ANXA4: variants seen among roughly 807,000 people sequenced by gnomAD.
ANXA4 encodes the protein 35-beta calcimedin.
In ANXA4, 39 loss-of-function variants were observed where a neutral mutation model predicts 49.8. The ratio of observed to expected loss-of-function variants is 0.78; its 90% CI spans 0.61 to 1.02. ANXA4 has a LOEUF of 1.02. Ranked by LOEUF, ANXA4 falls within the 50% of genes least tolerant of loss-of-function variation. The probability of loss-of-function intolerance (pLI) is 0.00; values close to 1 mark genes in which losing one functional copy is unlikely to be tolerated. For synonymous variants in ANXA4, 134 were observed against 152.5 expected (o/e 0.88, Z 0.89); for missense variants, 360 against 410.1 (o/e 0.88, Z 1.05).
At chr2:69,691,575 A>ACATG (rs2105373201) in intron 2 of ANXA4, among the ~76,000 whole-genome samples, 2 of 734 alleles carry the variant, frequency 2.7e-3, no homozygotes, top group South Asian at 0.031. Context: ...ACACACATGC[A>ACATG]CACACACACA....
chr2:69,664,698 G>A (rs1676869194), intron 2 of ANXA4, among the ~76,000 whole-genome samples: 1 of 152,140 alleles, frequency 6.6e-6, no homozygotes, highest in Non-Finnish European at 1.5e-5. Context: ...AATCCCATGT[G>A]CTCTTCCAAA....
chr2:69,757,264 ATATTTTTTTTTTTTTTT>A (rs1162054493), intron 1 of ANXA4, among the ~76,000 whole-genome samples: 11 of 28,034 alleles, frequency 3.9e-4, no homozygotes, highest in African/African-American at 1.9e-3. Context: ...ATATATATAT[ATATTTTTTTTTTTTTTT>A]TTTTTTTTAG....
chr2:69,702,083 C>T (rs1195162964), intron 2 of ANXA4, among the ~76,000 whole-genome samples: 1 of 152,126 alleles, frequency 6.6e-6, no homozygotes, highest in Non-Finnish European at 1.5e-5. Context: ...GCGATCTCAG[C>T]TCACTACAAC....
intron 1 of ANXA4, among the ~76,000 whole-genome samples, chr2:69,778,557 C>T (rs568073565): frequency 9.5e-4 from 144 of 152,110 alleles, no homozygotes; most frequent in Non-Finnish European, 1.4e-3. Flanking sequence ...GGGCAGATCA[C>T]CTGACGTCGG....
At chr2:69,744,248 A>C (rs1206128273) in intron 1 of ANXA4, among the ~76,000 whole-genome samples, 3 of 152,184 alleles carry the variant, frequency 2.0e-5, no homozygotes, top group Non-Finnish European at 4.4e-5. Flanking sequence ...TCAAGGCTGC[A>C]GTGAGTTATG....
intron 2 of ANXA4, among the ~76,000 whole-genome samples, chr2:69,661,185 A>T (rs896151648): frequency 6.6e-6 from 1 of 151,570 alleles, no homozygotes; most frequent in African/African-American, 2.4e-5. Context: ...AGTTAAGCAT[A>T]CTTGAAGCAT....
chr2:69,760,320 T>C (rs1671229611), intron 1 of ANXA4, among the ~76,000 whole-genome samples: 1 of 152,228 alleles, frequency 6.6e-6, no homozygotes, highest in East Asian at 1.9e-4. Flanking sequence ...ACACATATGG[T>C]TTAAAAATCT....
chr2:69,652,006 T>G (rs1676266095), intron 1 of ANXA4, among the ~76,000 whole-genome samples: 1 of 151,760 alleles, frequency 6.6e-6, no homozygotes, highest in African/African-American at 2.4e-5. Context: ...ATTGCAAACA[T>G]AAAGTAGTTT....
At chr2:69,686,911 C>A (rs929521359) in intron 2 of ANXA4, among the ~76,000 whole-genome samples, 4 of 152,228 alleles carry the variant, frequency 2.6e-5, no homozygotes, top group Non-Finnish European at 5.9e-5. Flanking sequence ...CCCTGCTGTT[C>A]TCTGCATTTG....
At chr2:69,787,006 T>A (rs987836975) in intron 2 of ANXA4, among the ~76,000 whole-genome samples, 4 of 152,194 alleles carry the variant, frequency 2.6e-5, no homozygotes, top group Admixed American at 6.5e-5. Context: ...ATTACTGGGG[T>A]GAGCCACCAC....
At chr2:69,673,123 C>T (rs1008680037) in intron 2 of ANXA4, among the ~76,000 whole-genome samples, 4 of 152,004 alleles carry the variant, frequency 2.6e-5, no homozygotes, top group Non-Finnish European at 4.4e-5. Flanking sequence ...CTCAAGGATC[C>T]AGAACGAAAA....
At chr2:69,792,882 C>T (rs1672753669) in intron 3 of ANXA4, among the ~76,000 whole-genome samples, 1 of 151,280 alleles carries the variant, frequency 6.6e-6, no homozygotes, top group African/African-American at 2.4e-5. Flanking sequence ...TAGTTAGGGG[C>T]TTGGTTGCTT....
At chr2:69,772,082 AG>A (rs759571800) in intron 1 of ANXA4, among the ~76,000 whole-genome samples, 1 of 152,212 alleles carries the variant, frequency 6.6e-6, no homozygotes, top group Non-Finnish European at 1.5e-5. Context: ...ATCACTAAAA[AG>A]TGTATCACCT....
At chr2:69,825,091 C>CAAAAAAAAAAAAAAAAAA (rs1558530382) in intron 12 of ANXA4, among the ~76,000 whole-genome samples, 1 of 104,316 alleles carries the variant, frequency 9.6e-6, no homozygotes, top group Non-Finnish European at 1.8e-5. Flanking sequence ...AAAAAAAAAA[C>CAAAAAAAAAAAAAAAAAA]CACAAACAAA....
At chr2:69,709,852 A>G (rs1464421044) in intron 2 of ANXA4, among the ~76,000 whole-genome samples, 1 of 152,146 alleles carries the variant, frequency 6.6e-6, no homozygotes, top group Non-Finnish European at 1.5e-5. Context: ...ATTATTTATG[A>G]CACTTTCCCC....
chr2:69,804,634 C>T lies in ANXA4; in HGVS notation c.192+7C>T, dbSNP rs376215469. The T allele has an allele frequency of 5.6e-6, 9 of 1,607,512 alleles. No individual in the cohort carries two copies. The highest frequency in any genetic ancestry group is 7.7e-6 in the Non-Finnish European group (9 of 1,176,306). On this transcript the variant is annotated splice_region_variant and intron_variant, in intron 4 of 12. Coordinates refer to ENST00000394295, the MANE Select transcript of ANXA4 (RefSeq NM_001153.5). ...CAAGAGCACCATCGGCAGGGTAGGC[C>T]ACAGTCTTTCCTGCTCTGTCTGGCT...
intron 12 of ANXA4, among the ~76,000 whole-genome samples, chr2:69,821,058 T>C (rs1189052290): frequency 6.6e-6 from 1 of 152,204 alleles, no homozygotes; most frequent in African/African-American, 2.4e-5. Flanking sequence ...CAGACAAAGA[T>C]TACATTTTAA....
intron 1 of ANXA4, among the ~76,000 whole-genome samples, chr2:69,648,856 TTTTTTAA>T (rs1288256712): frequency 6.7e-6 from 1 of 150,330 alleles, no homozygotes; most frequent in African/African-American, 2.4e-5. Flanking sequence ...GTTTCTTGAT[TTTTTTAA>T]TTTTTAATTT....
chr2:69,751,362 G>T (rs138926437), intron 1 of ANXA4, among the ~76,000 whole-genome samples: 156 of 152,094 alleles, frequency 1.0e-3, no homozygotes, highest in African/African-American at 3.4e-3. Context: ...AAAACAATTG[G>T]CCAGGCATGG....
Sources: allele counts gnomAD v4.1 joint callset (sites outside exome capture counted in the v4.1 genomes callset), GRCh38; gene constraint gnomAD v4.1.1; transcripts MANE v1.5; gene names NCBI Gene and HGNC (gene_info 2026-07-23, HGNC 2026-07-21).